Variants in CSMD1 observed in about 807,000 individuals in gnomAD.
The protein encoded by CSMD1 is CUB and sushi domain-containing protein 1.
A neutral mutation model predicts 417.5 loss-of-function variants in CSMD1; 213 were observed. The observed-to-expected ratio is 0.51, with a 90% CI of 0.46 to 0.57. The LOEUF (loss-of-function observed/expected upper bound fraction) is 0.57, where lower values mean the gene tolerates loss of function less well. Ranked by LOEUF, CSMD1 falls within the 20% of genes least tolerant of loss-of-function variation. CSMD1 has a pLI of 0.00. For synonymous variants in CSMD1, 2,862 were observed against 1,736.8 expected (o/e 1.65, Z -16.11); for missense variants, 6,923 against 4,529.7 (o/e 1.53, Z -15.17).
intron 37 of CSMD1, among the ~76,000 whole-genome samples, chr8:3,167,691 T>C (rs994529117): frequency 2.0e-5 from 3 of 152,166 alleles, no homozygotes; most frequent in Admixed American, 6.5e-5. Flanking sequence ...GCAAAGAATC[T>C]AAAACACAGC....
intron 5 of CSMD1, among the ~76,000 whole-genome samples, chr8:3,813,864 A>C (rs1369191542): frequency 6.6e-6 from 1 of 152,194 alleles, no homozygotes; most frequent in African/African-American, 2.4e-5. Flanking sequence ...ATCAGACAAG[A>C]GAAAAAGAAG....
At chr8:3,000,165 T>C in intron 52 of CSMD1, 34 bp from the exon 53 acceptor site, 1 of 1,473,192 alleles carries the variant, frequency 6.8e-7, no homozygotes, top group Non-Finnish European at 9.2e-7. Flanking sequence ...AAATTTAGAG[T>C]GTCTGTCATT....
At chr8:4,005,357 G>T (rs542174676) in intron 4 of CSMD1, among the ~76,000 whole-genome samples, 1 of 152,150 alleles carries the variant, frequency 6.6e-6, no homozygotes, top group Non-Finnish European at 1.5e-5. Context: ...CGTAATGCAG[G>T]GGCGGGTCCG....
intron 1 of CSMD1, among the ~76,000 whole-genome samples, chr8:4,644,898 G>C (rs191266264): frequency 2.6e-4 from 40 of 152,278 alleles, no homozygotes; most frequent in Admixed American, 2.6e-3. Context: ...GAAGCCTGTG[G>C]GTGAGTTTGA....
At chr8:3,205,251 G>C (rs191576743) in intron 31 of CSMD1, among the ~76,000 whole-genome samples, 8 of 152,260 alleles carry the variant, frequency 5.3e-5, no homozygotes, top group Admixed American at 4.6e-4. Flanking sequence ...TAAGAAGAAA[G>C]CCAAATTAAT....
chr8:3,480,338 C>G (rs1394062384), intron 11 of CSMD1, among the ~76,000 whole-genome samples: 2 of 152,026 alleles, frequency 1.3e-5, no homozygotes, highest in Non-Finnish European at 2.9e-5. Context: ...CTCCAGCCCC[C>G]TGGAGCAATG....
At chr8:3,296,414 A>T (rs1803968822) in intron 25 of CSMD1, among the ~76,000 whole-genome samples, 1 of 152,054 alleles carries the variant, frequency 6.6e-6, no homozygotes, top group Non-Finnish European at 1.5e-5. Context: ...TGTGAATTGG[A>T]TGGTGGGAGA....
chr8:2,942,248 A>T (rs1801923290), intron 69 of CSMD1, among the ~76,000 whole-genome samples: 1 of 151,956 alleles, frequency 6.6e-6, no homozygotes, highest in Admixed American at 6.6e-5. Context: ...TGATGGGTTG[A>T]TCCATGCAGC....
intron 3 of CSMD1, among the ~76,000 whole-genome samples, chr8:4,353,184 G>T (rs146465883): frequency 3.3e-5 from 5 of 152,100 alleles, no homozygotes; most frequent in African/African-American, 9.7e-5. Flanking sequence ...TAATCCCCAC[G>T]TGTCAAGTGT....
intron 10 of CSMD1, among the ~76,000 whole-genome samples, chr8:3,499,045 G>A (rs1252897875): frequency 1.3e-5 from 2 of 152,156 alleles, no homozygotes; most frequent in Admixed American, 6.5e-5. Flanking sequence ...CCTTGGGGGT[G>A]TCATGTTTCT....
At chr8:4,939,493 G>T (rs901950079) in intron 1 of CSMD1, among the ~76,000 whole-genome samples, 1 of 152,206 alleles carries the variant, frequency 6.6e-6, no homozygotes, top group African/African-American at 2.4e-5. Flanking sequence ...CCTGTCATTT[G>T]TGACAATATG....
intron 7 of CSMD1, among the ~76,000 whole-genome samples, chr8:3,636,423 C>G (rs1394029927): frequency 1.3e-5 from 2 of 152,150 alleles, no homozygotes; most frequent in African/African-American, 2.4e-5. Flanking sequence ...GGTGATCCGC[C>G]CGCCTCAGCC....
intron 2 of CSMD1, among the ~76,000 whole-genome samples, chr8:4,475,670 G>A (rs1455003894): frequency 3.1e-5 from 3 of 96,440 alleles, no homozygotes; most frequent in African/African-American, 1.2e-4. Context: ...AGGCTGGAGT[G>A]CAGTGGCATG....
At chr8:4,490,931 A>C (rs1161503500) in intron 2 of CSMD1, among the ~76,000 whole-genome samples, 1 of 152,216 alleles carries the variant, frequency 6.6e-6, no homozygotes, top group East Asian at 1.9e-4. Flanking sequence ...GGAGTGGATA[A>C]GGGAGAGTTT....
At chr8:4,360,755 A>G (rs1014317080) in intron 3 of CSMD1, among the ~76,000 whole-genome samples, 2 of 152,046 alleles carry the variant, frequency 1.3e-5, no homozygotes, top group African/African-American at 4.8e-5. Flanking sequence ...CGGCCTCCAA[A>G]AGTGCTGGGA....
At chr8:4,052,030 G>T (rs965457916) in intron 3 of CSMD1, among the ~76,000 whole-genome samples, 1 of 151,864 alleles carries the variant, frequency 6.6e-6, no homozygotes, top group Non-Finnish European at 1.5e-5. Context: ...GTCATATACA[G>T]GTTCAAGGGA....
intron 7 of CSMD1, among the ~76,000 whole-genome samples, chr8:3,640,365 C>T (rs1293752045): frequency 6.6e-6 from 1 of 152,176 alleles, no homozygotes; most frequent in Non-Finnish European, 1.5e-5. Flanking sequence ...TTATTGAAGG[C>T]ATTGTCAAAT....
chr8:4,458,546 G>A (rs981271612), intron 2 of CSMD1, among the ~76,000 whole-genome samples: 7 of 151,976 alleles, frequency 4.6e-5, no homozygotes, highest in Admixed American at 3.9e-4. Context: ...TTTTCTTAAT[G>A]TTAACTGTTA....
intron 1 of CSMD1, among the ~76,000 whole-genome samples, chr8:4,985,742 T>C (rs780555353): frequency 1.3e-5 from 2 of 152,216 alleles, no homozygotes; most frequent in Non-Finnish European, 2.9e-5. Flanking sequence ...ATTGTTTCCA[T>C]GTAAAATGGA....
Sources: gnomAD v4.1 joint callset for allele counts (sites outside exome capture counted in the v4.1 genomes callset) on GRCh38, gnomAD v4.1.1 for gene constraint, MANE v1.5 for transcripts, NCBI Gene and HGNC (gene_info 2026-07-23, HGNC 2026-07-21) for gene names.